PCDHGA4: variants seen among roughly 807,000 people sequenced by gnomAD.
PCDHGA4 encodes the protein protocadherin gamma subfamily A, 4.
PCDHGA4 carries 38 observed loss-of-function variants against 54.6 expected under a neutral mutation model. The ratio of observed to expected loss-of-function variants is 0.70; its 90% CI spans 0.54 to 0.91. The LOEUF (loss-of-function observed/expected upper bound fraction) is 0.91. PCDHGA4 is among the 40% of genes least tolerant of loss of function. The pLI is 0.00. For missense variants in PCDHGA4, 1,298 were observed against 1,220.9 expected, an observed-to-expected ratio of 1.06 and a Z score of -0.94; for synonymous variants, 511 against 512.9, an observed-to-expected ratio of 1.00 and a Z score of 0.05.
At chr5:141,468,802 C>G (rs928501013) in intron 1 of PCDHGA4, among the ~76,000 whole-genome samples, 1 of 151,620 alleles carries the variant, frequency 6.6e-6, no homozygotes, top group African/African-American at 2.4e-5. Context: ...GGAGGCGGAA[C>G]TTGCAGTGAG....
intron 1 of PCDHGA4, chr5:141,364,245 A>G (rs1763237090): frequency 1.4e-6 from 2 of 1,460,650 alleles, no homozygotes; most frequent in Non-Finnish European, 9.1e-7. Flanking sequence ...CATTTTCGTC[A>G]GGGAATATGT....
chr5:141,405,359 G>A, intron 1 of PCDHGA4: 2 of 1,614,018 alleles, frequency 1.2e-6, no homozygotes, highest in Non-Finnish European at 1.7e-6. Context: ...TCCTATAGAA[G>A]ACACCCCTTT....
intron 1 of PCDHGA4, chr5:141,409,789 G>C (rs1390138666): frequency 1.2e-6 from 2 of 1,611,918 alleles, no homozygotes; most frequent in African/African-American, 2.7e-5. Context: ...GCGCCTTCGC[G>C]CTCACGCTGC....
intron 1 of PCDHGA4, chr5:141,370,415 G>A: frequency 6.4e-7 from 1 of 1,569,830 alleles, no homozygotes; most frequent in Non-Finnish European, 8.6e-7. Flanking sequence ...GCTCCGGATG[G>A]AGGGGCCCAG....
At chr5:141,452,193 G>A (rs764434048) in intron 1 of PCDHGA4, among the ~76,000 whole-genome samples, 3 of 151,990 alleles carry the variant, frequency 2.0e-5, no homozygotes, top group Admixed American at 6.6e-5. Context: ...ACCTCAAATT[G>A]TTTTAGATGT....
intron 1 of PCDHGA4, among the ~76,000 whole-genome samples, chr5:141,368,946 T>A (rs1330631003): frequency 6.6e-6 from 1 of 152,202 alleles, no homozygotes. Flanking sequence ...CTGGTTACTG[T>A]GAGTAGTTTA....
chr5:141,490,346 T>A lies in PCDHGA4; in HGVS notation c.2515-4461T>A. On this transcript the variant is annotated intron_variant, in intron 1 of 3. Coordinates refer to ENST00000571252, the MANE Select transcript of PCDHGA4 (RefSeq NM_018917.4). This position sits in a 1 kb window ranked among gnomAD's most constrained non-coding sequence, Gnocchi z 5.4. ...GAGAGCACACCAGTGGGCACAGTAG[T>A]GGGGTTGTTTAATGTGCGAGACCGG... The A allele has an allele frequency of 6.2e-7, 1 of 1,614,164 alleles. No individual in the cohort carries two copies. The highest frequency in any genetic ancestry group is 8.5e-7 in the Non-Finnish European group (1 of 1,180,020).
chr5:141,476,754 T>G lies in PCDHGA4; in HGVS notation c.2515-18053T>G. 1 of 1,613,926 alleles carries G rather than the reference T, an allele frequency of 6.2e-7. No individual in the cohort carries two copies. The highest frequency in any genetic ancestry group is 1.1e-5 in the South Asian group (1 of 91,084). On this transcript the variant is annotated intron_variant, in intron 1 of 3. Coordinates refer to ENST00000571252, the MANE Select transcript of PCDHGA4 (RefSeq NM_018917.4). The surrounding 1 kb of genome is among the most constrained non-coding windows in gnomAD (Gnocchi z 7.6). Reference sequence around the variant, plus strand: ...GAACGGGAGCCTAGTCTCCAGTTAGTGCTGACGGCGTTGGACGGAGGGACC... The same window carrying G: ...GAACGGGAGCCTAGTCTCCAGTTAGGGCTGACGGCGTTGGACGGAGGGACC...
At chr5:141,399,376 A>T in intron 1 of PCDHGA4, 1 of 1,613,956 alleles carries the variant, frequency 6.2e-7, no homozygotes, top group Non-Finnish European at 8.5e-7. Context: ...GTACAATGTC[A>T]CCATCACAGC....
intron 1 of PCDHGA4, among the ~76,000 whole-genome samples, chr5:141,456,499 A>C (rs1283501704): frequency 6.6e-6 from 1 of 152,210 alleles, no homozygotes; most frequent in Non-Finnish European, 1.5e-5. Flanking sequence ...AAAGGGGTTA[A>C]CCAATTCCAT....
At chr5:141,419,959 T>C (rs765017440) in intron 1 of PCDHGA4, 5 of 1,614,104 alleles carry the variant, frequency 3.1e-6, no homozygotes, top group Non-Finnish European at 3.4e-6. Flanking sequence ...CCTTGATTTC[T>C]GTGCTCTTTC....
chr5:141,400,126 G>C, intron 1 of PCDHGA4: 1 of 1,614,090 alleles, frequency 6.2e-7, no homozygotes. Context: ...CTTGCAGGAG[G>C]TGCTGCCGGA....
chr5:141,472,980 CA>C (rs60579131), intron 1 of PCDHGA4, among the ~76,000 whole-genome samples: 39,687 of 85,940 alleles, frequency 0.46, 5,633 homozygotes, highest in African/African-American at 0.56. Flanking sequence ...GAGTGAAACT[CA>C]AAAAAAAAAA....
intron 1 of PCDHGA4, among the ~76,000 whole-genome samples, chr5:141,466,514 T>C (rs1276000407): frequency 6.6e-6 from 1 of 152,226 alleles, no homozygotes; most frequent in Non-Finnish European, 1.5e-5. Context: ...AAGATCATTT[T>C]TTTTCCTCCC....
Position 141,486,092 on chromosome 5 carries a change from C to G in PCDHGA4, c.2515-8715C>G. ...TACTGGAAAGCTTACTCTTTTGGGG[C>G]CCCTAGACTTTGAGAGTGAGAATTA... On this transcript the variant is annotated intron_variant, in intron 1 of 3. Transcript: ENST00000571252. The surrounding 1 kb of genome is among the most constrained non-coding windows in gnomAD (Gnocchi z 5.0). The G allele has an allele frequency of 6.2e-7, 1 of 1,614,148 alleles. No individual in the cohort carries two copies. Among genetic ancestry groups the G allele is most frequent in the South Asian group, 1.1e-5 (1 of 91,080 alleles).
At chr5:141,393,800 GA>G (rs1403705962) in intron 1 of PCDHGA4, 2 of 1,613,842 alleles carry the variant, frequency 1.2e-6, no homozygotes, top group Non-Finnish European at 1.7e-6. Flanking sequence ...CACTTCTGGG[GA>G]GGACCAAATT....
intron 1 of PCDHGA4, chr5:141,399,437 A>G (rs780100815): frequency 3.7e-5 from 59 of 1,613,998 alleles, no homozygotes; most frequent in East Asian, 6.7e-5. Flanking sequence ...GTCATCCTAC[A>G]TATCAGAGAC....
Position 141,421,718 on chromosome 5 carries a change from G to A in PCDHGA4, c.2514+64097G>A, listed in dbSNP as rs778263773. On this transcript the variant is annotated intron_variant, in intron 1 of 3. Transcript: ENST00000571252. ...CCTAATGCTAGGGATCCAGATGTGGGCGTGAACTCCCTCCAGAGCTACCAG... is the reference window on the plus strand; with the variant it reads ...CCTAATGCTAGGGATCCAGATGTGGACGTGAACTCCCTCCAGAGCTACCAG... 3.1e-6 allele frequency: 5 copies of A among 1,613,848 alleles called. No homozygotes were observed. The highest frequency in any genetic ancestry group is 2.7e-5 in the African/African-American group (2 of 74,938).
At chr5:141,466,716 T>A (rs2099127818) in intron 1 of PCDHGA4, among the ~76,000 whole-genome samples, 1 of 152,210 alleles carries the variant, frequency 6.6e-6, no homozygotes, top group South Asian at 2.1e-4. Flanking sequence ...TGTTCTTGTT[T>A]CCATTTTAGC....
Sources: allele counts gnomAD v4.1 joint callset (sites outside exome capture counted in the v4.1 genomes callset), GRCh38; gene constraint gnomAD v4.1.1; non-coding constraint Gnocchi (gnomAD v3.1); transcripts MANE v1.5; gene names NCBI Gene and HGNC (gene_info 2026-07-23, HGNC 2026-07-21).